FBXL17: variants seen among roughly 807,000 people sequenced by gnomAD.
FBXL17 encodes F-box/LRR-repeat protein 17.
Under a neutral mutation model 66.2 loss-of-function variants are expected in FBXL17, and 22 were observed. The ratio of observed to expected loss-of-function variants is 0.33; its 90% confidence interval spans 0.24 to 0.47. The LOEUF (loss-of-function observed/expected upper bound fraction) is 0.47. Ranked by LOEUF, FBXL17 falls within the 20% of genes least tolerant of loss-of-function variation. The pLI, the probability that FBXL17 is intolerant of heterozygous loss-of-function variation, is 1.00. For missense variants in FBXL17, 878 were observed against 948.2 expected (o/e 0.93, Z 0.97); for synonymous variants, 474 against 400.5 (o/e 1.18, Z -2.19).
chr5:107,887,014 C>T (rs971145575), intron 7 of FBXL17, among the ~76,000 whole-genome samples: 19 of 151,196 alleles, frequency 1.3e-4, no homozygotes, highest in South Asian at 2.1e-4. Flanking sequence ...GATACTAGAA[C>T]AGACAAATCA....
intron 6 of FBXL17, among the ~76,000 whole-genome samples, chr5:108,089,337 T>A (rs1749099753): frequency 6.6e-6 from 1 of 152,190 alleles, no homozygotes; most frequent in Non-Finnish European, 1.5e-5. Flanking sequence ...TTGCCTCAAT[T>A]TCCATCCACA....
At chr5:107,998,996 C>T (rs1753600143) in intron 7 of FBXL17, among the ~76,000 whole-genome samples, 1 of 152,170 alleles carries the variant, frequency 6.6e-6, no homozygotes, top group Non-Finnish European at 1.5e-5. Context: ...CCAATCAGTC[C>T]AAGCTTGAGC....
chr5:108,343,760 G>A (rs964588069), intron 4 of FBXL17, among the ~76,000 whole-genome samples: 7 of 151,694 alleles, frequency 4.6e-5, no homozygotes, highest in African/African-American at 1.7e-4. Flanking sequence ...TCAAATCACA[G>A]CAAAGAGAAA....
chr5:107,937,637 T>G (rs1750956356), intron 7 of FBXL17, among the ~76,000 whole-genome samples: 2 of 152,206 alleles, frequency 1.3e-5, no homozygotes, highest in South Asian at 4.1e-4. Context: ...GTAAGCTCCT[T>G]GAAGGTAGAA....
intron 4 of FBXL17, among the ~76,000 whole-genome samples, chr5:108,342,078 TG>T (rs1746919197): frequency 6.6e-6 from 1 of 152,170 alleles, no homozygotes; most frequent in Non-Finnish European, 1.5e-5. Context: ...TCACAGTGCC[TG>T]GCACATAGTA....
intron 7 of FBXL17, among the ~76,000 whole-genome samples, chr5:107,927,352 G>C (rs1289680394): frequency 6.6e-6 from 1 of 152,060 alleles, no homozygotes; most frequent in Non-Finnish European, 1.5e-5. Context: ...AAAATGCAAT[G>C]GCTACTCTGA....
At position 107,880,141 on chromosome 5, in the gene FBXL17, C is replaced by T. The variant is rs552152147; in HGVS notation, c.1965+896G>A. ...AGGTGGTTGCGGCACAATCACGGCTCACTGCAACCTCGGCCTCTTGAGCTC... is the reference window on the plus strand; with the variant it reads ...AGGTGGTTGCGGCACAATCACGGCTTACTGCAACCTCGGCCTCTTGAGCTC... On this transcript the variant is annotated intron_variant, in intron 8 of 8. Coordinates refer to ENST00000542267, the MANE Select transcript of FBXL17 (RefSeq NM_001163315.3). 559 of 196,682 alleles carry T rather than the reference C, an allele frequency of 2.8e-3. 1 individual carries two copies. Among genetic ancestry groups the T allele is most frequent in the Non-Finnish European group, 4.3e-3 (473 of 108,764 alleles). The allele number at this position is 196,682 out of a possible 1,614,324, so 12.2% of individuals were successfully genotyped here. A position where few individuals can be genotyped will look rare whatever the true frequency, so the allele number is the denominator to read the frequency against.
intron 6 of FBXL17, among the ~76,000 whole-genome samples, chr5:108,145,984 C>T (rs896543371): frequency 2.6e-4 from 39 of 151,826 alleles, no homozygotes; most frequent in Non-Finnish European, 5.1e-4. Context: ...TTTGGGAGGC[C>T]GAGGCGGGCG....
intron 4 of FBXL17, among the ~76,000 whole-genome samples, chr5:108,251,298 G>T (rs1756339862): frequency 6.6e-6 from 1 of 151,896 alleles, no homozygotes; most frequent in African/African-American, 2.4e-5. Flanking sequence ...ACCTCAATGA[G>T]GTTTTTGCTT....
At chr5:108,175,371 A>G (rs1192490971) in intron 6 of FBXL17, among the ~76,000 whole-genome samples, 3 of 152,208 alleles carry the variant, frequency 2.0e-5, no homozygotes, top group African/African-American at 7.2e-5. Flanking sequence ...AGATTCAGCT[A>G]GACAGTAACA....
intron 6 of FBXL17, among the ~76,000 whole-genome samples, chr5:108,096,225 G>A (rs995814498): frequency 1.3e-5 from 2 of 152,120 alleles, no homozygotes; most frequent in African/African-American, 2.4e-5. Flanking sequence ...GTCCACACAC[G>A]GAGCATTAGC....
rs1752926965 is a variant in FBXL17 at position 108,179,662 on chromosome 5, A to AAC, written c.1745+6454_1745+6455insGT. ...ACAGCACTCTGTTTGAACACTAACAAAGAGTGCATTCTCTATTTTGGAAGG... is the reference window on the plus strand; with the variant it reads ...ACAGCACTCTGTTTGAACACTAACAAACAGAGTGCATTCTCTATTTTGGAAGG... On this transcript the variant is annotated intron_variant, in intron 6 of 8. Transcript: ENST00000542267. Among the ~76,000 whole-genome samples the AAC allele has an allele frequency of 3.9e-5, 6 of 152,234 alleles. No homozygotes were observed. In the South Asian group the frequency reaches 1.2e-3, roughly 32 times the overall value.
intron 7 of FBXL17, among the ~76,000 whole-genome samples, chr5:107,921,941 A>T (rs1750337650): frequency 6.6e-6 from 1 of 152,204 alleles, no homozygotes; most frequent in African/African-American, 2.4e-5. Flanking sequence ...AAACGTGGAT[A>T]CCAAAGCTAA....
At chr5:108,380,524 A>G (rs1322683538) in intron 1 of FBXL17, among the ~76,000 whole-genome samples, 175 bp downstream of exon 1, 1 of 152,108 alleles carries the variant, frequency 6.6e-6, no homozygotes, top group African/African-American at 2.4e-5. Flanking sequence ...CTCCTACTTC[A>G]AAAAATAGGC....
intron 7 of FBXL17, among the ~76,000 whole-genome samples, chr5:107,885,704 A>G (rs567287409): frequency 1.3e-5 from 2 of 152,332 alleles, no homozygotes; most frequent in South Asian, 4.1e-4. Flanking sequence ...TAAAAAGCAC[A>G]AGGGAATATA....
chr5:108,101,108 A>G (rs1466983891), intron 6 of FBXL17, among the ~76,000 whole-genome samples: 1 of 152,240 alleles, frequency 6.6e-6, no homozygotes, highest in Non-Finnish European at 1.5e-5. Context: ...CAAATAAAAG[A>G]GTAGAGCTAT....
intron 4 of FBXL17, among the ~76,000 whole-genome samples, chr5:108,233,283 G>A (rs182284796): frequency 1.3e-5 from 2 of 152,108 alleles, no homozygotes; most frequent in East Asian, 3.9e-4. Context: ...TGTTTATGGT[G>A]TGAAATAAAG....
intron 7 of FBXL17, among the ~76,000 whole-genome samples, chr5:107,936,808 A>G (rs1484378367): frequency 3.3e-5 from 5 of 152,222 alleles, no homozygotes; most frequent in Admixed American, 3.3e-4. Context: ...GGGTGGCAAG[A>G]CGACTTTTTA....
chr5:108,214,408 C>T (rs79920545), intron 5 of FBXL17, among the ~76,000 whole-genome samples: 18,059 of 149,630 alleles, frequency 0.12, 1,337 homozygotes, highest in Admixed American at 0.16. Flanking sequence ...CACTCTGTCG[C>T]CCAGGCCAGA....
Sources: allele counts gnomAD v4.1 joint callset (sites outside exome capture counted in the v4.1 genomes callset), GRCh38; gene constraint gnomAD v4.1.1; transcripts MANE v1.5; gene names NCBI Gene and HGNC (gene_info 2026-07-23, HGNC 2026-07-21).